Variants in SCG5 observed in about 807,000 individuals in gnomAD.
The protein encoded by SCG5 is neuroendocrine protein 7B2.
Under a neutral mutation model 25.7 loss-of-function variants are expected in SCG5, and 18 were observed. That is an observed-to-expected ratio of 0.70 (90% CI 0.48 to 1.04). The LOEUF (loss-of-function observed/expected upper bound fraction) is 1.04. Ranked by LOEUF, SCG5 falls within the 50% of genes least tolerant of loss-of-function variation. The probability of loss-of-function intolerance (pLI) is 0.00; values close to 1 mark genes in which losing one functional copy is unlikely to be tolerated. For synonymous variants in SCG5, 101 were observed against 91.7 expected (o/e 1.10, Z -0.58); for missense variants, 206 against 259.8 (o/e 0.79, Z 1.42).
rs1447656135 is a variant in SCG5, at chr15:32,643,786, C to T, written c.194C>T (p.Ala65Val). The change falls in exon 2 of 6, where the codon GCC becomes GTC. Residue 65 changes from alanine to valine, a missense_variant. Ala to Val is a moderately conservative substitution (Grantham distance 64). Coordinates refer to ENST00000300175, the MANE Select transcript of SCG5 (RefSeq NM_001144757.3). ...RPRVEYPAHQ[A>V]MNLVGPQSIE... The stretch of plus-strand genomic sequence containing the variant: ...CGAGTGGAATATCCAGCTCACCAGG[C>T]CATGAATCTTGTGGGCCCCCAGAGC... 1 of 1,613,790 alleles carries T rather than the reference C, an allele frequency of 6.2e-7. No individual in the cohort carries two copies. Among genetic ancestry groups the T allele is most frequent in the Admixed American group, 1.7e-5 (1 of 60,020 alleles).
At chr15:32,653,610 G>A (rs566813373) in intron 2 of SCG5, among the ~76,000 whole-genome samples, 1 of 152,304 alleles carries the variant, frequency 6.6e-6, no homozygotes, top group African/African-American at 2.4e-5. Context: ...TTGAAAATTT[G>A]TAAGACAGAC....
intron 2 of SCG5, among the ~76,000 whole-genome samples, chr15:32,670,475 A>AC (rs1335360307): frequency 6.6e-6 from 1 of 152,258 alleles, no homozygotes; most frequent in African/African-American, 2.4e-5. Flanking sequence ...TTTGGGGGTC[A>AC]CTTGTCATGT....
rs370809963 is a variant in SCG5, at chr15:32,670,328, C to A, written c.227-9438C>A. Among the ~76,000 whole-genome samples, 31 of 152,362 alleles carry A rather than the reference C, an allele frequency of 2.0e-4. 1 individual carries two copies. The South Asian group carries it at 3.9e-3, about 19-fold the overall frequency. ...GGGGCAGTCCCTGTGAGGGACCAGG[C>A]TCGAATTCAGAGCAGAAGGATCACT... On this transcript the variant is annotated intron_variant, in intron 2 of 5. Transcript: ENST00000300175.
rs879108481 is a variant in SCG5 at position 32,691,692 on chromosome 15, C to A, written c.490-18C>A. On this transcript the variant is annotated intron_variant, in intron 4 of 5. Transcript: ENST00000300175. ...TCCATACTTCTGCATTTTTTGTTTT[C>A]TTTTCTCCCCATTCTAGAACAAGAA... is the stretch of plus-strand genomic sequence containing the variant. The A allele has an allele frequency of 2.5e-6, 4 of 1,584,112 alleles. No individual in the cohort carries two copies. The South Asian group carries it at 3.5e-5, about 14-fold the overall frequency.
intron 2 of SCG5, among the ~76,000 whole-genome samples, chr15:32,646,610 G>C (rs2053947541): frequency 6.6e-6 from 1 of 152,150 alleles, no homozygotes; most frequent in Non-Finnish European, 1.5e-5. Context: ...TGGGAATCTT[G>C]GGAGTCTTCC....
intron 2 of SCG5, among the ~76,000 whole-genome samples, chr15:32,652,349 A>G (rs1280921465): frequency 2.6e-5 from 4 of 152,168 alleles, no homozygotes; most frequent in Non-Finnish European, 5.9e-5. Context: ...ATGTCAGGTA[A>G]AGGGGAGATG....
chr15:32,656,378 T>A (rs2054117650), intron 2 of SCG5: 1 of 152,242 alleles, frequency 6.6e-6, no homozygotes, highest in Admixed American at 6.5e-5. Flanking sequence ...CAGGCACATG[T>A]AGGAAGTGGA....
chr15:32,662,834 T>A (rs28393823), intron 2 of SCG5, among the ~76,000 whole-genome samples: 53,911 of 150,852 alleles, frequency 0.36, 10,347 homozygotes, highest in South Asian at 0.57. Flanking sequence ...CGGGACGATT[T>A]GATGTCTCTG....
chr15:32,686,178 G>T (rs2054705113), intron 4 of SCG5, among the ~76,000 whole-genome samples: 1 of 152,118 alleles, frequency 6.6e-6, no homozygotes, highest in Non-Finnish European at 1.5e-5. Flanking sequence ...TGGAAGAATT[G>T]GTTTGTGGAG....
intron 5 of SCG5, 183 bp downstream of exon 5, chr15:32,691,946 T>C: frequency 1.4e-6 from 2 of 1,445,082 alleles, no homozygotes; most frequent in Non-Finnish European, 1.8e-6. Context: ...CTGCGATGGC[T>C]TCCCCAGGCT....
chr15:32,659,064 T>C (rs1224655892), intron 2 of SCG5, among the ~76,000 whole-genome samples: 1 of 152,008 alleles, frequency 6.6e-6, no homozygotes, highest in Non-Finnish European at 1.5e-5. Flanking sequence ...TAGTCCCAGC[T>C]ACTCGGGAGG....
intron 2 of SCG5, among the ~76,000 whole-genome samples, chr15:32,674,680 C>G (rs575065722): frequency 3.3e-5 from 5 of 152,100 alleles, no homozygotes; most frequent in African/African-American, 1.2e-4. Context: ...CGAACAAGAC[C>G]ATGAGTGGCA....
At chr15:32,649,105 GT>G (rs1212067359) in intron 2 of SCG5, among the ~76,000 whole-genome samples, 1 of 151,894 alleles carries the variant, frequency 6.6e-6, no homozygotes, top group Non-Finnish European at 1.5e-5. Context: ...ATCATTGTTT[GT>G]TTTCTTGCTT....
At chr15:32,680,194 CTTTT>C (rs10549438) in intron 3 of SCG5, among the ~76,000 whole-genome samples, 19 of 114,584 alleles carry the variant, frequency 1.7e-4, no homozygotes, top group Admixed American at 1.8e-4. Context: ...ACTTGCTACT[CTTTT>C]TTTTTTTTTT....
intron 2 of SCG5, among the ~76,000 whole-genome samples, chr15:32,655,105 G>A (rs926360852): frequency 2.6e-5 from 4 of 151,850 alleles, no homozygotes; most frequent in Non-Finnish European, 5.9e-5. Flanking sequence ...TCAGGAGATC[G>A]AGACCATCCT....
chr15:32,692,800 G>A (rs1021429026), intron 5 of SCG5, among the ~76,000 whole-genome samples: 1 of 152,186 alleles, frequency 6.6e-6, no homozygotes, highest in Non-Finnish European at 1.5e-5. Flanking sequence ...GCTTCAAGAG[G>A]TGTGGATTTT....
intron 4 of SCG5, among the ~76,000 whole-genome samples, chr15:32,687,250 G>A (rs575420049): frequency 1.5e-3 from 235 of 152,226 alleles, no homozygotes; most frequent in Non-Finnish European, 2.6e-3. Context: ...GGCCAACCAC[G>A]GTCCTTCATT....
At chr15:32,643,533 A>C in intron 1 of SCG5, 53 bp from the exon 2 acceptor site, 1 of 1,379,914 alleles carries the variant, frequency 7.2e-7, no homozygotes, top group Non-Finnish European at 1.0e-6. Flanking sequence ...TAATTGTATT[A>C]TCACAATTGC....
At chr15:32,693,348 C>T (rs550777155) in intron 5 of SCG5, among the ~76,000 whole-genome samples, 47 of 152,302 alleles carry the variant, frequency 3.1e-4, no homozygotes, top group African/African-American at 1.1e-3. Flanking sequence ...ACTTTAGCCT[C>T]AATTTCCTCC....
Sources: gnomAD v4.1 joint callset for allele counts (sites outside exome capture counted in the v4.1 genomes callset) on GRCh38, gnomAD v4.1.1 for gene constraint, MANE v1.5 for transcripts, NCBI Gene and HGNC (gene_info 2026-07-23, HGNC 2026-07-21) for gene names.